Variants in ASAP2 observed in about 807,000 individuals in gnomAD.
ASAP2 encodes the protein ArfGAP with SH3 domain, ankyrin repeat and PH domain 2.
A neutral mutation model predicts 131.4 loss-of-function variants in ASAP2; 45 were observed. The ratio of observed to expected loss-of-function variants is 0.34; its 90% CI spans 0.27 to 0.44. The LOEUF (loss-of-function observed/expected upper bound fraction) is 0.44, where lower values mean the gene tolerates loss of function less well. Among genes scored for constraint, ASAP2 ranks in the 20% least tolerant of loss-of-function variants. The probability of loss-of-function intolerance (pLI) is 1.00; values close to 1 mark genes in which losing one functional copy is unlikely to be tolerated. For missense variants in ASAP2, 1,011 were observed against 1,297.0 expected (o/e 0.78, Z 3.39); for synonymous variants, 510 against 503.0 (o/e 1.01, Z -0.19).
chr2:9,309,342 A>G (rs1669146791), intron 3 of ASAP2, among the ~76,000 whole-genome samples: 1 of 152,224 alleles, frequency 6.6e-6, no homozygotes, highest in Non-Finnish European at 1.5e-5. Flanking sequence ...TCGCACAGTC[A>G]TGCGCAGTCC....
intron 1 of ASAP2, among the ~76,000 whole-genome samples, chr2:9,265,453 C>T (rs968863510): frequency 6.6e-6 from 1 of 152,156 alleles, no homozygotes; most frequent in Non-Finnish European, 1.5e-5. Context: ...CCTCAATACC[C>T]TGCTTGATGG....
chr2:9,317,253 C>T (rs1484285152), intron 3 of ASAP2, among the ~76,000 whole-genome samples: 1 of 149,590 alleles, frequency 6.7e-6, no homozygotes, highest in Non-Finnish European at 1.5e-5. Context: ...ATACACACCC[C>T]GTGCATCACA....
intron 11 of ASAP2, among the ~76,000 whole-genome samples, chr2:9,347,393 T>C (rs1304274758): frequency 6.6e-6 from 1 of 152,212 alleles, no homozygotes; most frequent in African/African-American, 2.4e-5. Flanking sequence ...GCAGCTCACC[T>C]GTTTGGCCAG....
chr2:9,241,539 C>T (rs932104655), intron 1 of ASAP2, among the ~76,000 whole-genome samples: 3 of 152,138 alleles, frequency 2.0e-5, no homozygotes, highest in Non-Finnish European at 2.9e-5. Flanking sequence ...CCCAGGAGTT[C>T]GAGACCAGCC....
At chr2:9,270,794 T>C (rs968202350) in intron 1 of ASAP2, among the ~76,000 whole-genome samples, 5 of 118,222 alleles carry the variant, frequency 4.2e-5, no homozygotes, top group Admixed American at 3.3e-4. Flanking sequence ...CATTTTTTTT[T>C]TTTTTTTTTT....
At chr2:9,324,001 G>T (rs1476824509) in intron 6 of ASAP2, among the ~76,000 whole-genome samples, 1 of 152,238 alleles carries the variant, frequency 6.6e-6, no homozygotes, top group Non-Finnish European at 1.5e-5. Context: ...CCTCCTGGCA[G>T]TGCCAGCGAA....
At chr2:9,317,624 C>CCA (rs374814644) in intron 3 of ASAP2, among the ~76,000 whole-genome samples, 3 of 149,976 alleles carry the variant, frequency 2.0e-5, no homozygotes, top group Non-Finnish European at 3.0e-5. Flanking sequence ...ACAATCACAC[C>CCA]CACACACACC....
At chr2:9,335,043 C>T (rs202226524) in intron 8 of ASAP2, 50 bp from the exon 9 acceptor site, 12 of 1,575,116 alleles carry the variant, frequency 7.6e-6, no homozygotes, top group African/African-American at 1.4e-5. Flanking sequence ...TTCACTGTAC[C>T]TCAGTCTTAA....
intron 2 of ASAP2, among the ~76,000 whole-genome samples, chr2:9,282,231 A>G (rs1363863933): frequency 2.0e-5 from 3 of 152,052 alleles, no homozygotes; most frequent in African/African-American, 7.2e-5. Flanking sequence ...TTAGCCATCT[A>G]TTATGTCATG....
At chr2:9,283,026 C>T (rs1161742407) in intron 2 of ASAP2, among the ~76,000 whole-genome samples, 2 of 152,238 alleles carry the variant, frequency 1.3e-5, no homozygotes, top group Non-Finnish European at 2.9e-5. Flanking sequence ...AGCCTTAGCT[C>T]TCTTTGACTT....
chr2:9,391,024 G>A (rs1006623140), intron 22 of ASAP2, 38 bp from the exon 23 acceptor site: 4 of 1,613,816 alleles, frequency 2.5e-6, no homozygotes, highest in Admixed American at 1.7e-5. Flanking sequence ...ACGTGTATGT[G>A]TGCGTGCATG....
At chr2:9,231,036 G>A (rs1663124735) in intron 1 of ASAP2, among the ~76,000 whole-genome samples, 1 of 152,154 alleles carries the variant, frequency 6.6e-6, no homozygotes, top group South Asian at 2.1e-4. Flanking sequence ...GCCCAGGCTC[G>A]GCTGCTTTGC....
At chr2:9,388,827 G>A (rs192239995) in intron 22 of ASAP2, among the ~76,000 whole-genome samples, 145 of 152,256 alleles carry the variant, frequency 9.5e-4, no homozygotes, top group African/African-American at 3.3e-3. Flanking sequence ...CTGGGCTCCC[G>A]GGGCTGGGCC....
rs1675798930 is a variant in ASAP2, at chr2:9,392,420, T to C, written c.2519-1062T>C. ...GTGCTCGTGACTTCCTTAGAGTAAG[T>C]TAAAATTAAAAGCAGCCCAGCCCCA... On this transcript the variant is annotated intron_variant, in intron 23 of 27. Coordinates refer to ENST00000281419, the MANE Select transcript of ASAP2 (RefSeq NM_003887.3). The surrounding 1 kb of genome is among the most constrained non-coding windows in gnomAD (Gnocchi z 4.0). Among the ~76,000 whole-genome samples the C allele has an allele frequency of 6.6e-6, 1 of 152,012 alleles. No homozygotes were observed. Among genetic ancestry groups the C allele is most frequent in the African/African-American group, 2.4e-5 (1 of 41,366 alleles).
At chr2:9,212,035 C>G (rs1435019019) in intron 1 of ASAP2, among the ~76,000 whole-genome samples, 2 of 152,144 alleles carry the variant, frequency 1.3e-5, no homozygotes, top group Non-Finnish European at 2.9e-5. Flanking sequence ...GTGAGCCTTC[C>G]TCCCTGCCCC....
At chr2:9,271,404 A>T in intron 1 of ASAP2, 1 of 1,416,330 alleles carries the variant, frequency 7.1e-7, no homozygotes. Context: ...CATATTCTGG[A>T]TGCTCAATTA....
intron 3 of ASAP2, among the ~76,000 whole-genome samples, chr2:9,305,401 A>G (rs62121315): frequency 0.37 from 14,342 of 39,292 alleles, 4,589 homozygotes; most frequent in Non-Finnish European, 0.43. Flanking sequence ...AGGGGCTGTA[A>G]TAGTGGGGTA....
intron 15 of ASAP2, among the ~76,000 whole-genome samples, chr2:9,368,068 A>G (rs1031615249): frequency 3.3e-5 from 5 of 152,166 alleles, no homozygotes; most frequent in Admixed American, 3.3e-4. Flanking sequence ...GCATAAGTAA[A>G]GGTTGTTTGA....
At chr2:9,314,381 T>C (rs1206646247) in intron 3 of ASAP2, among the ~76,000 whole-genome samples, 5 of 152,232 alleles carry the variant, frequency 3.3e-5, no homozygotes, top group Non-Finnish European at 7.3e-5. Context: ...ATATTATGTT[T>C]GGTTTAAGGT....
Sources: allele counts gnomAD v4.1 joint callset (sites outside exome capture counted in the v4.1 genomes callset), GRCh38; gene constraint gnomAD v4.1.1; non-coding constraint Gnocchi (gnomAD v3.1); transcripts MANE v1.5; gene names NCBI Gene and HGNC (gene_info 2026-07-23, HGNC 2026-07-21).